The following PRKG1 variants were observed in gnomAD, a reference collection of about 807,000 sequenced individuals.
PRKG1 encodes the protein protein kinase cGMP-dependent 1, also known as cGMP-dependent protein kinase 1.
Under a neutral mutation model 88.1 loss-of-function variants are expected in PRKG1, and 35 were observed. The ratio of observed to expected loss-of-function variants is 0.40; its 90% CI spans 0.30 to 0.53. The LOEUF is 0.53. Among genes scored for constraint, PRKG1 ranks in the 20% least tolerant of loss-of-function variants. The pLI is 0.59. For synonymous variants in PRKG1, 303 were observed against 292.5 expected (o/e 1.04, Z -0.37); for missense variants, 540 against 839.8 (o/e 0.64, Z 4.41).
chr10:51,522,496 C>A (rs1208454446), intron 3 of PRKG1, among the ~76,000 whole-genome samples: 1 of 152,154 alleles, frequency 6.6e-6, no homozygotes, highest in African/African-American at 2.4e-5. Flanking sequence ...CAGTCTGATT[C>A]TTCCAAGTAT....
At chr10:51,860,577 C>T (rs1840847844) in intron 4 of PRKG1, among the ~76,000 whole-genome samples, 1 of 152,204 alleles carries the variant, frequency 6.6e-6, no homozygotes, top group Admixed American at 6.5e-5. Context: ...ACTTGGTGAG[C>T]ATCTCTAATG....
At chr10:51,693,275 G>C (rs1234276155) in intron 3 of PRKG1, among the ~76,000 whole-genome samples, 1 of 128,272 alleles carries the variant, frequency 7.8e-6, no homozygotes, top group Non-Finnish European at 1.6e-5. Flanking sequence ...GCAGCAAAGT[G>C]AGACACCACC....
chr10:51,089,144 A>G (rs1041584021), intron 1 of PRKG1, among the ~76,000 whole-genome samples: 2 of 152,124 alleles, frequency 1.3e-5, no homozygotes, highest in African/African-American at 4.8e-5. Flanking sequence ...AGTTTGAATA[A>G]TCTGTGATTT....
At chr10:51,182,853 A>T (rs1453943190) in intron 2 of PRKG1, among the ~76,000 whole-genome samples, 1 of 152,232 alleles carries the variant, frequency 6.6e-6, no homozygotes, top group Non-Finnish European at 1.5e-5. Context: ...ATACTTAGGC[A>T]TAAGTCTTTT....
chr10:51,127,009 C>G (rs916984063), intron 1 of PRKG1, among the ~76,000 whole-genome samples: 4 of 152,116 alleles, frequency 2.6e-5, no homozygotes, highest in Non-Finnish European at 5.9e-5. Flanking sequence ...CATATGCACC[C>G]TAGAAGAAAA....
intron 9 of PRKG1, among the ~76,000 whole-genome samples, chr10:52,215,025 T>C (rs1405880111): frequency 1.6e-5 from 2 of 127,858 alleles, no homozygotes; most frequent in Admixed American, 7.8e-5. Context: ...AAAATAATGA[T>C]AAAAGTTTTT....
chr10:51,467,258 A>C (rs74132286), intron 2 of PRKG1, among the ~76,000 whole-genome samples: 1,851 of 152,108 alleles, frequency 0.012, 19 homozygotes, highest in African/African-American at 0.028. Flanking sequence ...GTTTTAAATA[A>C]AAAGATACCA....
intron 4 of PRKG1, among the ~76,000 whole-genome samples, chr10:51,850,788 T>G (rs1465369475): frequency 6.6e-6 from 1 of 152,176 alleles, no homozygotes; most frequent in Non-Finnish European, 1.5e-5. Flanking sequence ...GTTACACTAT[T>G]TCTCACCTTT....
intron 2 of PRKG1, among the ~76,000 whole-genome samples, chr10:51,323,811 G>A (rs1841513408): frequency 6.6e-6 from 1 of 152,074 alleles, no homozygotes; most frequent in African/African-American, 2.4e-5. Flanking sequence ...TAGTTAGCTG[G>A]GCATGGTGGC....
At chr10:51,220,626 C>T (rs1055188059) in intron 2 of PRKG1, among the ~76,000 whole-genome samples, 1 of 152,044 alleles carries the variant, frequency 6.6e-6, no homozygotes, top group Admixed American at 6.6e-5. Context: ...TCTGGATCAA[C>T]AGCATTTTAT....
intron 4 of PRKG1, among the ~76,000 whole-genome samples, chr10:51,837,633 A>G (rs1252954653): frequency 6.6e-6 from 1 of 152,046 alleles, no homozygotes; most frequent in Non-Finnish European, 1.5e-5. Context: ...TGGCTAGGGT[A>G]GGGGGCTCTC....
intron 3 of PRKG1, among the ~76,000 whole-genome samples, chr10:51,686,897 G>A (rs1452288019): frequency 1.3e-5 from 2 of 151,926 alleles, no homozygotes; most frequent in African/African-American, 2.4e-5. Context: ...CATCAGGCCC[G>A]GCTAATTTTT....
At chr10:51,070,162 C>T (rs1428904666), upstream of PRKG1, among the ~76,000 whole-genome samples, 1 of 152,062 alleles carries the variant, frequency 6.6e-6, no homozygotes, top group Non-Finnish European at 1.5e-5. Context: ...TCTACATCAC[C>T]TAGTCTGGAT....
At chr10:51,327,537 G>T (rs1457203831) in intron 2 of PRKG1, among the ~76,000 whole-genome samples, 7 of 152,020 alleles carry the variant, frequency 4.6e-5, no homozygotes, top group African/African-American at 1.7e-4. Context: ...ACAGACATGT[G>T]TCACTTAAGG....
intron 3 of PRKG1, among the ~76,000 whole-genome samples, chr10:51,657,696 A>T (rs1056124540): frequency 6.6e-6 from 1 of 152,156 alleles, no homozygotes; most frequent in Non-Finnish European, 1.5e-5. Flanking sequence ...ATGGAGTGGA[A>T]CATTTTTGAT....
intron 9 of PRKG1, among the ~76,000 whole-genome samples, chr10:52,204,851 G>C (rs375101638): frequency 1.3e-4 from 20 of 152,178 alleles, no homozygotes; most frequent in African/African-American, 4.8e-4. Context: ...CAGGGAACAA[G>C]GGAGATAAAG....
At chr10:51,948,030 A>G (rs1228759719) in intron 5 of PRKG1, among the ~76,000 whole-genome samples, 1 of 152,108 alleles carries the variant, frequency 6.6e-6, no homozygotes, top group African/African-American at 2.4e-5. Context: ...GGTTTCTTAT[A>G]TTTATTATTA....
chr10:51,612,891 CCTT>C (rs1838947707), intron 3 of PRKG1, among the ~76,000 whole-genome samples: 1 of 151,698 alleles, frequency 6.6e-6, no homozygotes, highest in African/African-American at 2.4e-5. Flanking sequence ...TGCTTTTTGT[CCTT>C]CATTCTGTTG....
chr10:51,230,404 CT>C (rs1377623547), intron 2 of PRKG1, among the ~76,000 whole-genome samples: 1 of 152,122 alleles, frequency 6.6e-6, no homozygotes, highest in East Asian at 1.9e-4. Flanking sequence ...TCACATTATA[CT>C]TTTACTTACT....
Sources: gnomAD v4.1 joint callset for allele counts (sites outside exome capture counted in the v4.1 genomes callset) on GRCh38, gnomAD v4.1.1 for gene constraint, MANE v1.5 for transcripts, NCBI Gene and HGNC (gene_info 2026-07-23, HGNC 2026-07-21) for gene names.